CAST: variants seen among roughly 807,000 people sequenced by gnomAD.
CAST encodes calpastatin, also known as MIR583 host.
In CAST, 76 loss-of-function variants were observed where a neutral mutation model predicts 119.6. The ratio of observed to expected loss-of-function variants is 0.64; its 90% CI spans 0.53 to 0.77. The LOEUF (loss-of-function observed/expected upper bound fraction) is 0.77. Ranked by LOEUF, CAST falls within the 30% of genes least tolerant of loss-of-function variation. The pLI is 0.00. For synonymous variants in CAST, 319 were observed against 331.6 expected (o/e 0.96, Z 0.41); for missense variants, 953 against 946.5 (o/e 1.01, Z -0.09).
At chr5:96,238,983 A>C in the CAST span, among the ~76,000 whole-genome samples, 1 of 152,264 alleles carries the variant, frequency 6.6e-6, no homozygotes, top group South Asian at 2.1e-4. Context: ...AAATTTTCAT[A>C]AATTTTTCCA....
chr5:96,210,633 A>G, the CAST span, among the ~76,000 whole-genome samples: 1 of 152,144 alleles, frequency 6.6e-6, no homozygotes, highest in South Asian at 2.1e-4. Flanking sequence ...GATTTCTTTC[A>G]CTTTATTAAA....
At chr5:96,697,823 T>C (rs1753475411) in intron 3 of CAST, among the ~76,000 whole-genome samples, 1 of 152,228 alleles carries the variant, frequency 6.6e-6, no homozygotes, top group African/African-American at 2.4e-5. Context: ...GAGCCTTAAA[T>C]GAAAGAAAAT....
At chr5:95,974,314 T>A in the CAST span, among the ~76,000 whole-genome samples, 10 of 152,170 alleles carry the variant, frequency 6.6e-5, no homozygotes, top group Non-Finnish European at 1.3e-4. Context: ...TTGGGAGAAT[T>A]TTCTTTTTGA....
At chr5:96,051,654 A>G in the CAST span, among the ~76,000 whole-genome samples, 1 of 152,142 alleles carries the variant, frequency 6.6e-6, no homozygotes, top group African/African-American at 2.4e-5. Context: ...GAGACCGTCA[A>G]TGACTCCTGT....
At chr5:96,225,382 G>A in the CAST span, among the ~76,000 whole-genome samples, 7 of 152,074 alleles carry the variant, frequency 4.6e-5, no homozygotes, top group African/African-American at 1.7e-4. Context: ...TCAAGACGGT[G>A]TGTAAATGGG....
At chr5:96,429,186 G>A in the CAST span, 1 of 1,128,446 alleles carries the variant, frequency 8.9e-7, no homozygotes, top group Non-Finnish European at 1.4e-6. Flanking sequence ...TAGAGTATTG[G>A]TTTGAAGACA....
the CAST span, among the ~76,000 whole-genome samples, chr5:96,440,683 A>G: frequency 6.6e-6 from 1 of 152,122 alleles, no homozygotes; most frequent in Non-Finnish European, 1.5e-5. Context: ...AGGGCCATAC[A>G]TACACATGGG....
At chr5:96,581,148 A>C (rs1746763965) in intron 1 of CAST, among the ~76,000 whole-genome samples, 1 of 152,274 alleles carries the variant, frequency 6.6e-6, no homozygotes, top group Non-Finnish European at 1.5e-5. Context: ...TTTAACAGTA[A>C]CAGTAGAAAG....
At chr5:95,966,603 G>A in the CAST span, among the ~76,000 whole-genome samples, 1 of 152,046 alleles carries the variant, frequency 6.6e-6, no homozygotes, top group African/African-American at 2.4e-5. Flanking sequence ...TGGAAGTAAG[G>A]AAAGTCCCTC....
At chr5:96,021,921 G>A in the CAST span, among the ~76,000 whole-genome samples, 31,344 of 152,106 alleles carry the variant, frequency 0.21, 5,540 homozygotes, top group African/African-American at 0.46. Context: ...TTCCACATCC[G>A]TGGATTCAAC....
intron 1 of CAST, among the ~76,000 whole-genome samples, chr5:96,626,641 G>T (rs1407651369): frequency 1.3e-5 from 2 of 152,146 alleles, no homozygotes; most frequent in African/African-American, 2.4e-5. Flanking sequence ...GCCAGGGAGA[G>T]TCTCCCTAAC....
chr5:96,106,024 G>T, the CAST span, among the ~76,000 whole-genome samples: 2 of 152,334 alleles, frequency 1.3e-5, no homozygotes, highest in Non-Finnish European at 2.9e-5. Context: ...TATTTGCGTA[G>T]AGGTGTTTGT....
At chr5:96,313,694 T>G in the CAST span, among the ~76,000 whole-genome samples, 12 of 152,224 alleles carry the variant, frequency 7.9e-5, no homozygotes, top group African/African-American at 2.9e-4. Flanking sequence ...CTTTATAAAC[T>G]GCCAAACATT....
At chr5:96,228,410 G>T in the CAST span, among the ~76,000 whole-genome samples, 1 of 152,088 alleles carries the variant, frequency 6.6e-6, no homozygotes. Flanking sequence ...TTGGAATCCA[G>T]CTCTTCTAAT....
chr5:96,384,854 T>C, the CAST span, among the ~76,000 whole-genome samples: 1 of 152,164 alleles, frequency 6.6e-6, no homozygotes, highest in Admixed American at 6.5e-5. Flanking sequence ...CACGCTAGTA[T>C]ATATAAAAGG....
At chr5:96,402,643 C>T in the CAST span, among the ~76,000 whole-genome samples, 1 of 151,126 alleles carries the variant, frequency 6.6e-6, no homozygotes, top group Non-Finnish European at 1.5e-5. Flanking sequence ...ATGCCAGGAA[C>T]AGGGCGAGTA....
the CAST span, among the ~76,000 whole-genome samples, chr5:96,071,968 T>C: frequency 2.0e-5 from 3 of 152,336 alleles, no homozygotes; most frequent in South Asian, 6.2e-4. Flanking sequence ...TACTTTTATA[T>C]ATGTTTAACA....
At chr5:96,681,687 C>T (rs1396394864) in intron 2 of CAST, among the ~76,000 whole-genome samples, 1 of 146,314 alleles carries the variant, frequency 6.8e-6, no homozygotes, top group East Asian at 2.0e-4. Flanking sequence ...GAGCCGAGAT[C>T]CCGCCACTGC....
intron 2 of CAST, among the ~76,000 whole-genome samples, chr5:96,690,234 T>G (rs1471309749): frequency 6.6e-6 from 1 of 151,446 alleles, no homozygotes; most frequent in Non-Finnish European, 1.5e-5. Context: ...ATTTATTTAT[T>G]TATCTATTTT....
Sources: allele counts gnomAD v4.1 joint callset (sites outside exome capture counted in the v4.1 genomes callset), GRCh38; gene constraint gnomAD v4.1.1; transcripts MANE v1.5; gene names NCBI Gene and HGNC (gene_info 2026-07-23, HGNC 2026-07-21).